Variants in KAT6A observed in about 807,000 individuals in gnomAD.
The protein encoded by KAT6A is lysine acetyltransferase 6A.
KAT6A carries 9 observed loss-of-function variants against 198.4 expected under a neutral mutation model. The ratio of observed to expected loss-of-function variants is 0.05; its 90% CI spans 0.03 to 0.08. KAT6A has a LOEUF of 0.08. KAT6A is among the 10% of genes least tolerant of loss of function. KAT6A has a pLI of 1.00. For synonymous variants in KAT6A, 890 were observed against 883.0 expected, an observed-to-expected ratio of 1.01 and a Z score of -0.14; for missense variants, 2,077 against 2,509.9, an observed-to-expected ratio of 0.83 and a Z score of 3.69.
chr8:41,974,740 C>T lies in KAT6A; in HGVS notation c.1446G>A (p.Met482Ile). 1.2e-6 allele frequency: 2 copies of T among 1,609,906 alleles called. No individual in the cohort carries two copies. The highest frequency in any genetic ancestry group is 1.1e-5 in the South Asian group (1 of 90,362). Reference sequence around the variant, plus strand: ...GTTCTTGGATATCACGAAATAATTCCATATCTTTCTCAGTCATGATTTCCT... The same window carrying T: ...GTTCTTGGATATCACGAAATAATTCTATATCTTTCTCAGTCATGATTTCCT... ...GSQEIMTEKD[M>I]ELFRDIQEQA... The change falls in exon 8 of 17, where the codon ATG becomes ATA. Residue 482 changes from methionine to isoleucine, a missense_variant. By Grantham distance (10) the Met-to-Ile change is conservative. Coordinates refer to ENST00000265713, the MANE Select transcript of KAT6A (RefSeq NM_006766.5).
intron 2 of KAT6A, among the ~76,000 whole-genome samples, chr8:42,032,871 C>CTTTTTTTTTTTTTTTTTT (rs1163323345): frequency 1.3e-5 from 1 of 76,518 alleles, no homozygotes; most frequent in Non-Finnish European, 2.4e-5. Flanking sequence ...AAAACCTTGG[C>CTTTTTTTTTTTTTTTTTT]TTTTTTTTTT....
chr8:41,935,216 G>T (rs944823809), intron 16 of KAT6A, among the ~76,000 whole-genome samples: 1 of 152,132 alleles, frequency 6.6e-6, no homozygotes, highest in Non-Finnish European at 1.5e-5. Context: ...TTTATAAAGA[G>T]GCAAATAAGT....
Position 41,947,833 on chromosome 8 carries a change from T to C in KAT6A, c.1820A>G (p.Tyr607Cys), listed in dbSNP as rs1356014447. 1 of 1,610,764 alleles carries C rather than the reference T, an allele frequency of 6.2e-7. No individual in the cohort carries two copies. Among genetic ancestry groups the C allele is most frequent in the South Asian group, 1.1e-5 (1 of 90,262 alleles). ...AAAAAGAAATGGCTCCACATCGTAA[T>C]AGAGGGTTTTGTGGTCAAGAAACAA... ...AKLFLDHKTL[Y>C]YDVEPFLFYV... Residue 607 changes from tyrosine (Y) to cysteine (C), a missense_variant, in exon 11 of 17, where the codon TAT becomes TGT. Transcript: ENST00000265713.
Position 42,048,812 on chromosome 8 carries a change from T to C in KAT6A, c.166A>G (p.Lys56Glu). 1 of 1,614,178 alleles carries C rather than the reference T, an allele frequency of 6.2e-7. No homozygotes were observed. Among genetic ancestry groups the C allele is most frequent in the South Asian group, 1.1e-5 (1 of 91,090 alleles). The stretch of plus-strand genomic sequence containing the variant: ...GAGACTTTTAAAATTGTTCCATCTT[T>C]AACACTCAACTCCAATTGTTCTAAA... ...TVLEQLELSV[K>E]DGTILKVSNK... The change falls in exon 2 of 17, where the codon AAA becomes GAA. Residue 56 changes from lysine to glutamate, a missense_variant. Coordinates refer to ENST00000265713, the MANE Select transcript of KAT6A (RefSeq NM_006766.5).
At chr8:42,000,372 G>A (rs1825428667) in intron 2 of KAT6A, among the ~76,000 whole-genome samples, 1 of 152,106 alleles carries the variant, frequency 6.6e-6, no homozygotes, top group Admixed American at 6.5e-5. Flanking sequence ...CCAACCTGGT[G>A]AAGCCTCGTC....
chr8:41,968,195 A>G (rs1001676355), intron 8 of KAT6A, among the ~76,000 whole-genome samples: 13 of 152,326 alleles, frequency 8.5e-5, no homozygotes, highest in East Asian at 1.9e-4. Context: ...GCAACCCACA[A>G]AATGGGACAA....
At chr8:41,979,933 A>AG (rs1774436275) in intron 5 of KAT6A, among the ~76,000 whole-genome samples, 1 of 152,096 alleles carries the variant, frequency 6.6e-6, no homozygotes. Flanking sequence ...TGATAGGTGG[A>AG]GGCTGCAGTG....
chr8:42,017,367 T>C (rs942956837), intron 2 of KAT6A, among the ~76,000 whole-genome samples: 12 of 152,122 alleles, frequency 7.9e-5, no homozygotes, highest in African/African-American at 2.9e-4. Context: ...GACAGGCAGA[T>C]AAATGAACAG....
chr8:41,956,946 A>G, intron 8 of KAT6A: 1 of 443,348 alleles, frequency 2.3e-6, no homozygotes, highest in Non-Finnish European at 4.6e-6. Context: ...TCAAAGTAAT[A>G]ACAACAGTAT....
At position 41,932,843 on chromosome 8, in the gene KAT6A, G is replaced by C; in HGVS notation, c.5377C>G (p.Gln1793Glu). The C allele has an allele frequency of 6.2e-7, 1 of 1,614,180 alleles. No homozygotes were observed. The highest frequency in any genetic ancestry group is 8.5e-7 in the Non-Finnish European group (1 of 1,180,018). The change falls in exon 17 of 17, where the codon CAG becomes GAG. Residue 1793 changes from glutamine (Q) to glutamate (E), a missense_variant. This residue lies in a region of KAT6A where 500 missense variants were observed against 577.2 expected (regional missense o/e 0.87). Transcript: ENST00000265713. ...GCTAAGGGATGAGATGGAGCCAGCTGAGCCAGTCCTGTATTGGACAGAGAA... is the reference window on the plus strand; with the variant it reads ...GCTAAGGGATGAGATGGAGCCAGCTCAGCCAGTCCTGTATTGGACAGAGAA... ...SVSLSNTGLA[Q>E]LAPSHPLAGT...
chr8:41,934,466 C>G lies in KAT6A; in HGVS notation c.3754G>C (p.Ala1252Pro), dbSNP rs753748630. 6.2e-6 allele frequency: 10 copies of G among 1,608,048 alleles called. No homozygotes were observed. The highest frequency in any genetic ancestry group is 3.4e-5 in the Admixed American group (2 of 58,342). The change falls in exon 17 of 17, where the codon GCC (alanine) becomes CCC (proline). Residue 1252 changes from alanine (A) to proline (P), a missense_variant. Around this residue, in one of 13 missense-constraint regions of KAT6A, gnomAD observed 375 missense variants for 383.0 expected, o/e 0.98. Transcript: ENST00000265713. Reference sequence around the variant, plus strand: ...CTATTGCTGCTGTCTGCTGGAGAGGCTGCTGGGACTTCACTGCTGGCTGCA... The same window carrying G: ...CTATTGCTGCTGTCTGCTGGAGAGGGTGCTGGGACTTCACTGCTGGCTGCA... The part of the protein sequence containing the change: ...EDAASSEVPA[A>P]SPADSSNSPE...
intron 5 of KAT6A, 105 bp from the exon 6 acceptor site, chr8:41,978,882 G>T: frequency 9.6e-7 from 1 of 1,041,502 alleles, no homozygotes; most frequent in Non-Finnish European, 1.4e-6. Flanking sequence ...GTAAAAGACT[G>T]TCATTAGAAA....
intron 2 of KAT6A, among the ~76,000 whole-genome samples, chr8:42,018,765 T>C (rs1313276002): frequency 6.6e-6 from 1 of 151,444 alleles, no homozygotes; most frequent in Non-Finnish European, 1.5e-5. Context: ...TCTACTAAAA[T>C]TACAAAATTA....
At chr8:42,006,300 T>C (rs1825742640) in intron 2 of KAT6A, among the ~76,000 whole-genome samples, 1 of 152,114 alleles carries the variant, frequency 6.6e-6, no homozygotes, top group East Asian at 1.9e-4. Context: ...AATAGTAATA[T>C]CAAAACCAAA....
At chr8:42,005,446 C>T (rs1014628561) in intron 2 of KAT6A, among the ~76,000 whole-genome samples, 3 of 152,130 alleles carry the variant, frequency 2.0e-5, no homozygotes, top group African/African-American at 4.8e-5. Flanking sequence ...AACATAGTGA[C>T]GTAATGCTCA....
chr8:42,051,515 G>T (rs1413631847), intron 1 of KAT6A, among the ~76,000 whole-genome samples: 1 of 145,524 alleles, frequency 6.9e-6, no homozygotes, highest in Non-Finnish European at 1.5e-5. Context: ...AGGGAGAGCG[G>T]GCTCGCCGGC....
At chr8:41,984,047 T>C (rs960328614) in intron 3 of KAT6A, among the ~76,000 whole-genome samples, 1 of 152,254 alleles carries the variant, frequency 6.6e-6, no homozygotes, top group Non-Finnish European at 1.5e-5. Flanking sequence ...AAATTATTCT[T>C]GCTCTACTTT....
chr8:41,954,091 G>T (rs1357346001), intron 9 of KAT6A, among the ~76,000 whole-genome samples: 1 of 152,040 alleles, frequency 6.6e-6, no homozygotes, highest in Admixed American at 6.6e-5. Context: ...GTTTCCTGGG[G>T]TTTTGCTTTT....
intron 2 of KAT6A, among the ~76,000 whole-genome samples, chr8:42,005,651 G>T (rs775121117): frequency 6.6e-6 from 1 of 152,150 alleles, no homozygotes; most frequent in Non-Finnish European, 1.5e-5. Flanking sequence ...GAAGGAGGGG[G>T]AAGAGGAGAA....
Sources: gnomAD v4.1 joint callset for allele counts (sites outside exome capture counted in the v4.1 genomes callset) on GRCh38, gnomAD v4.1.1 for gene constraint, gnomAD v4.1.1 regional missense constraint, MANE v1.5 for transcripts, NCBI Gene and HGNC (gene_info 2026-07-23, HGNC 2026-07-21) for gene names.